Variants in NRXN3 observed in about 807,000 individuals in gnomAD.
The protein encoded by NRXN3 is neurexin III.
NRXN3 carries 32 observed loss-of-function variants against 137.6 expected under a neutral mutation model. The observed-to-expected ratio is 0.23, with a 90% confidence interval of 0.18 to 0.31. The LOEUF (loss-of-function observed/expected upper bound fraction) is 0.31. Among genes scored for constraint, NRXN3 ranks in the 10% least tolerant of loss-of-function variants. The pLI is 1.00. For missense variants in NRXN3, 1,574 were observed against 2,062.5 expected (o/e 0.76, Z 4.59); for synonymous variants, 798 against 784.5 (o/e 1.02, Z -0.29).
chr14:79,547,852 T>C (rs1273731212), intron 16 of NRXN3, among the ~76,000 whole-genome samples: 2 of 152,174 alleles, frequency 1.3e-5, no homozygotes, highest in African/African-American at 4.8e-5. Flanking sequence ...CCTATCGTTT[T>C]GAATTTGCAT....
chr14:79,789,465 T>C (rs1214950798), intron 19 of NRXN3, among the ~76,000 whole-genome samples: 1 of 152,122 alleles, frequency 6.6e-6, no homozygotes, highest in Non-Finnish European at 1.5e-5. Context: ...AGCAAGTTTC[T>C]TAAGAAAGTA....
rs1282011624 is a variant in NRXN3, at chr14:79,018,299, G to A, written c.3262+30158G>A. ...AAAAAAAAAAAAAAAAAAAAAAAGA[G>A]AGAGAGCAAGAAGAGTGAAAGTTAT... On this transcript the variant is annotated intron_variant, in intron 15 of 20. Coordinates refer to ENST00000335750, the MANE Select transcript of NRXN3 (RefSeq NM_001330195.2). Among the ~76,000 whole-genome samples the A allele has an allele frequency of 3.6e-3, 325 of 89,558 alleles. 32 individuals are homozygous for A. The highest frequency in any genetic ancestry group is 0.013 in the African/African-American group (306 of 22,834). 58.8% of individuals were successfully genotyped at this position (89,558 alleles called of 152,430 possible). A position where few individuals can be genotyped will look rare whatever the true frequency, so the allele number is the denominator to read the frequency against.
intron 20 of NRXN3, among the ~76,000 whole-genome samples, chr14:79,826,679 G>C (rs2099303181): frequency 6.6e-6 from 1 of 152,130 alleles, no homozygotes; most frequent in Non-Finnish European, 1.5e-5. Flanking sequence ...CATTGCACCA[G>C]CGTCTGCATA....
chr14:78,612,658 C>T (rs2097309924), intron 4 of NRXN3, among the ~76,000 whole-genome samples: 1 of 152,218 alleles, frequency 6.6e-6, no homozygotes, highest in Non-Finnish European at 1.5e-5. Flanking sequence ...AAATTACTTA[C>T]ACTCTTCAGG....
chr14:78,772,793 A>G (rs551623370), intron 8 of NRXN3, among the ~76,000 whole-genome samples: 16 of 152,312 alleles, frequency 1.1e-4, no homozygotes, highest in South Asian at 6.2e-4. Flanking sequence ...GTGGTATCAG[A>G]GAGGGGCAGA....
intron 4 of NRXN3, among the ~76,000 whole-genome samples, chr14:78,416,173 T>G (rs1286531283): frequency 2.0e-5 from 3 of 152,174 alleles, no homozygotes; most frequent in Non-Finnish European, 1.5e-5. Flanking sequence ...AGACTATCTC[T>G]CTTGGATACA....
At chr14:79,617,706 A>AG (rs1398014753) in intron 16 of NRXN3, among the ~76,000 whole-genome samples, 4 of 152,040 alleles carry the variant, frequency 2.6e-5, no homozygotes, top group Non-Finnish European at 5.9e-5. Context: ...AGTTTGCGAA[A>AG]GGGATGTAGA....
At chr14:79,618,568 T>C (rs568170167) in intron 16 of NRXN3, among the ~76,000 whole-genome samples, 1 of 152,290 alleles carries the variant, frequency 6.6e-6, no homozygotes, top group South Asian at 2.1e-4. Flanking sequence ...ATGGTGTACA[T>C]GTACCATATT....
chr14:79,340,163 GT>G (rs869145500), intron 15 of NRXN3, among the ~76,000 whole-genome samples: 22 of 5,776 alleles, frequency 3.8e-3, no homozygotes, highest in South Asian at 0.015. Context: ...ATTTAAGGGT[GT>G]GTGTGTGTGT....
chr14:79,022,283 G>C (rs1034587818), intron 15 of NRXN3, among the ~76,000 whole-genome samples: 5 of 152,148 alleles, frequency 3.3e-5, no homozygotes, highest in Non-Finnish European at 7.4e-5. Flanking sequence ...AGGAGCTAGA[G>C]AACATGAGCT....
intron 6 of NRXN3, among the ~76,000 whole-genome samples, chr14:78,671,358 A>T (rs1313924494): frequency 6.6e-6 from 1 of 152,232 alleles, no homozygotes; most frequent in East Asian, 1.9e-4. Flanking sequence ...AAAGCTAAAG[A>T]TATAAGAAAA....
At chr14:78,484,664 AG>A (rs773818805) in intron 4 of NRXN3, among the ~76,000 whole-genome samples, 9 of 152,104 alleles carry the variant, frequency 5.9e-5, no homozygotes, top group Non-Finnish European at 1.0e-4. Flanking sequence ...GTTTGGGTTT[AG>A]GGTCATAATG....
chr14:78,426,653 G>A (rs1290155240), intron 4 of NRXN3, among the ~76,000 whole-genome samples: 2 of 152,130 alleles, frequency 1.3e-5, no homozygotes, highest in Non-Finnish European at 2.9e-5. Context: ...TGAACTCCAG[G>A]AAATGTAGCT....
chr14:78,762,582 A>C (rs994503558), intron 8 of NRXN3, among the ~76,000 whole-genome samples: 3 of 152,166 alleles, frequency 2.0e-5, no homozygotes, highest in Non-Finnish European at 2.9e-5. Flanking sequence ...TAAAAAGAGA[A>C]GGGTAAGACA....
At chr14:78,943,766 A>C (rs2099359918) in intron 10 of NRXN3, among the ~76,000 whole-genome samples, 1 of 149,330 alleles carries the variant, frequency 6.7e-6, no homozygotes, top group Non-Finnish European at 1.5e-5. Context: ...CTCTAATAAC[A>C]GAAGCAAAAC....
chr14:79,224,102 A>G (rs2070353961), intron 15 of NRXN3, among the ~76,000 whole-genome samples: 1 of 152,162 alleles, frequency 6.6e-6, no homozygotes, highest in Admixed American at 6.6e-5. Flanking sequence ...ATAGATCATC[A>G]CTATGCCCTT....
intron 16 of NRXN3, among the ~76,000 whole-genome samples, chr14:79,597,671 C>G (rs918430101): frequency 6.6e-6 from 1 of 152,128 alleles, no homozygotes; most frequent in Non-Finnish European, 1.5e-5. Context: ...CTTCCTATCT[C>G]TTAGGGTCAC....
intron 16 of NRXN3, among the ~76,000 whole-genome samples, chr14:79,513,242 C>T (rs1220645311): frequency 6.6e-6 from 1 of 152,188 alleles, no homozygotes; most frequent in East Asian, 1.9e-4. Flanking sequence ...TGTTTCTTGA[C>T]TCGTGCAGTA....
chr14:78,224,786 G>GTCTCGC (rs2064311064), intron 1 of NRXN3, among the ~76,000 whole-genome samples: 1 of 117,264 alleles, frequency 8.5e-6, no homozygotes, highest in Non-Finnish European at 1.7e-5. Flanking sequence ...TTGAGACGGA[G>GTCTCGC]TCTCGCTCTG....
Sources: gnomAD v4.1 joint callset for allele counts (sites outside exome capture counted in the v4.1 genomes callset) on GRCh38, gnomAD v4.1.1 for gene constraint, MANE v1.5 for transcripts, NCBI Gene and HGNC (gene_info 2026-07-23, HGNC 2026-07-21) for gene names.